The following DHTKD1 variants were observed in gnomAD, a reference collection of about 807,000 sequenced individuals.
DHTKD1 encodes the protein 2-oxoadipate dehydrogenase complex component E1.
In DHTKD1, 78 loss-of-function variants were observed where a neutral mutation model predicts 101.8. The observed-to-expected ratio is 0.77, with a 90% CI of 0.64 to 0.93. DHTKD1 has a LOEUF of 0.93. Ranked by LOEUF, DHTKD1 falls within the 40% of genes least tolerant of loss-of-function variation. The probability of loss-of-function intolerance (pLI) is 0.00; values close to 1 mark genes in which losing one functional copy is unlikely to be tolerated. For missense variants in DHTKD1, 1,223 were observed against 1,161.7 expected (o/e 1.05, Z -0.77); for synonymous variants, 462 against 450.3 (o/e 1.03, Z -0.33).
At chr10:12,077,582 A>G (rs925701728) in intron 1 of DHTKD1, among the ~76,000 whole-genome samples, 4 of 152,142 alleles carry the variant, frequency 2.6e-5, no homozygotes, top group African/African-American at 9.7e-5. Flanking sequence ...CTTCTACAAT[A>G]TTATTTTTTA....
intron 1 of DHTKD1, among the ~76,000 whole-genome samples, chr10:12,073,924 G>A (rs1832686483): frequency 6.6e-6 from 1 of 152,198 alleles, no homozygotes; most frequent in South Asian, 2.1e-4. Context: ...CCATGTGTTA[G>A]TCTTCTGAGC....
At chr10:12,075,527 A>T (rs1292564499) in intron 1 of DHTKD1, among the ~76,000 whole-genome samples, 2 of 151,464 alleles carry the variant, frequency 1.3e-5, no homozygotes, top group African/African-American at 4.9e-5. Flanking sequence ...GGCATGAGCC[A>T]CTGCGCCCAT....
chr10:12,113,441 G>A (rs546843113), intron 13 of DHTKD1, among the ~76,000 whole-genome samples: 8 of 152,192 alleles, frequency 5.3e-5, no homozygotes, highest in East Asian at 1.9e-4. Flanking sequence ...CAGGTGATTC[G>A]CCCGCCTCGG....
At chr10:12,119,615 CAA>C (rs71382684) in intron 15 of DHTKD1, among the ~76,000 whole-genome samples, 41,441 of 88,358 alleles carry the variant, frequency 0.47, 6,405 homozygotes, top group Non-Finnish European at 0.52. Flanking sequence ...GACTCCGTCT[CAA>C]AAAAAAAAAA....
intron 1 of DHTKD1, among the ~76,000 whole-genome samples, chr10:12,070,697 C>G (rs1403331750): frequency 6.6e-6 from 1 of 152,142 alleles, no homozygotes; most frequent in African/African-American, 2.4e-5. Flanking sequence ...CCATGTTGGC[C>G]AGGCTGGTCT....
In DHTKD1 at chr10:12,071,647, G is replaced by A. The variant is rs181798504; in HGVS notation, c.154+2460G>A. On this transcript the variant is annotated intron_variant, in intron 1 of 16. Transcript: ENST00000263035. Reference sequence around the variant, plus strand: ...TAGCTGGGTGTGGTGCAGACGTGGGGCCAGGCACAGTGACTCACGCCTGTA... The same window carrying A: ...TAGCTGGGTGTGGTGCAGACGTGGGACCAGGCACAGTGACTCACGCCTGTA... 1.2e-4 allele frequency among the ~76,000 whole-genome samples: 19 copies of A among 152,070 alleles called. No individual in the cohort carries two copies. The East Asian group carries it at 3.1e-3, about 25-fold the overall frequency.
intron 12 of DHTKD1, among the ~76,000 whole-genome samples, chr10:12,111,105 T>C (rs1449971785): frequency 6.6e-6 from 1 of 151,780 alleles, no homozygotes; most frequent in Non-Finnish European, 1.5e-5. Context: ...AGTATTGCTG[T>C]AAATAGAACA....
chr10:12,082,104 G>A (rs968990776), intron 2 of DHTKD1, among the ~76,000 whole-genome samples: 1 of 152,112 alleles, frequency 6.6e-6, no homozygotes, highest in Non-Finnish European at 1.5e-5. Flanking sequence ...TCCAGCCTGG[G>A]CAACAGAGTG....
At chr10:12,099,596 G>A (rs778631716) in intron 8 of DHTKD1, among the ~76,000 whole-genome samples, 2 of 152,032 alleles carry the variant, frequency 1.3e-5, no homozygotes, top group African/African-American at 2.4e-5. Context: ...GCTGAGGCAG[G>A]AGAATCACTT....
At chr10:12,100,729 G>A (rs990175163) in intron 9 of DHTKD1, among the ~76,000 whole-genome samples, 5 of 152,130 alleles carry the variant, frequency 3.3e-5, no homozygotes, top group Non-Finnish European at 5.9e-5. Context: ...CTTATTTGTA[G>A]TATAAGTCAT....
intron 12 of DHTKD1, among the ~76,000 whole-genome samples, chr10:12,108,655 C>T (rs1833284785): frequency 6.6e-6 from 1 of 152,126 alleles, no homozygotes; most frequent in Admixed American, 6.6e-5. Context: ...ACAAATGTCT[C>T]CTTTTGCATG....
In DHTKD1 at chr10:12,089,055, T is replaced by A. The variant is rs1832947458; in HGVS notation, c.787T>A (p.Ser263Thr). Residue 263 changes from serine to threonine, a missense_variant, in exon 5 of 17, where the codon TCT (serine) becomes ACT (threonine). Physicochemically the swap from Ser to Thr is moderately conservative, Grantham distance 58 (BLOSUM62 1). Coordinates refer to ENST00000263035, the MANE Select transcript of DHTKD1 (RefSeq NM_018706.7). Reference protein sequence around the residue: ...ENFSATGDVLSHLTSSVDLYF... With the variant: ...ENFSATGDVLTHLTSSVDLYF... ...TTTCTCAGCCACTGGAGACGTCCTG[T>A]CTCACCTGACCTCCTCTGTGGACCT... 6.2e-7 allele frequency: 1 copy of A among 1,613,944 alleles called. No individual in the cohort carries two copies. The highest frequency in any genetic ancestry group is 1.1e-5 in the South Asian group (1 of 91,090).
Position 12,114,763 on chromosome 10 carries a change from CTTGGTTGGTTGGTTGG to C in DHTKD1, c.2319+1730_2319+1745del, listed in dbSNP as rs140140326. ...AGCTGCGAGTGATTTGCTTCCACCCCTTGGTTGGTTGGTTGGTTGGTTGGTTGGTTGGTTGGTTGGT... is the reference window on the plus strand; with the variant it reads ...AGCTGCGAGTGATTTGCTTCCACCCCTTGGTTGGTTGGTTGGTTGGTTGGT... On this transcript the variant is annotated intron_variant, in intron 13 of 16. Coordinates refer to ENST00000263035, the MANE Select transcript of DHTKD1 (RefSeq NM_018706.7). 2.3e-3 allele frequency among the ~76,000 whole-genome samples: 342 copies of C among 150,496 alleles called. 1 individual carries two copies. The highest frequency in any genetic ancestry group is 7.6e-3 in the African/African-American group (311 of 40,986).
rs1472521533 is a variant in DHTKD1 at position 12,076,974 on chromosome 10, A to AT, written c.155-4497dup. 1.3e-4 allele frequency among the ~76,000 whole-genome samples: 16 copies of AT among 121,836 alleles called. No individual in the cohort carries two copies. In the East Asian group the frequency reaches 1.4e-3, roughly 11 times the overall value. The allele number at this position is 121,836 out of a possible 152,430, so 79.9% of individuals were successfully genotyped here. A position where few individuals can be genotyped will look rare whatever the true frequency, so the allele number is the denominator to read the frequency against. Reference sequence around the variant, plus strand: ...CCCAGCCAGCCAGACCCTGTTTCTGATAAAAAAAAAAAAAAAAAAAAGGAA... The same window carrying AT: ...CCCAGCCAGCCAGACCCTGTTTCTGATTAAAAAAAAAAAAAAAAAAAAGGAA... On this transcript the variant is annotated intron_variant, in intron 1 of 16. Coordinates refer to ENST00000263035, the MANE Select transcript of DHTKD1 (RefSeq NM_018706.7).
At chr10:12,081,704 A>G (rs560311647) in intron 2 of DHTKD1, 77 bp downstream of exon 2, 1 of 1,559,016 alleles carries the variant, frequency 6.4e-7, no homozygotes. Flanking sequence ...TTGAAGAAGC[A>G]GCATCCCCAC....
At chr10:12,073,863 C>T (rs1832685867) in intron 1 of DHTKD1, among the ~76,000 whole-genome samples, 1 of 152,196 alleles carries the variant, frequency 6.6e-6, no homozygotes, top group African/African-American at 2.4e-5. Flanking sequence ...AAGCATGACT[C>T]TTGATCTCAG....
At chr10:12,104,474 C>T (rs1023748723) in intron 10 of DHTKD1, among the ~76,000 whole-genome samples, 8 of 152,062 alleles carry the variant, frequency 5.3e-5, no homozygotes, top group Admixed American at 2.6e-4. Flanking sequence ...ACACTCTGCC[C>T]GTCCTTCCTT....
At chr10:12,118,262 C>CAT (rs1833451043) in intron 14 of DHTKD1, among the ~76,000 whole-genome samples, 1 of 151,924 alleles carries the variant, frequency 6.6e-6, no homozygotes, top group Non-Finnish European at 1.5e-5. Context: ...TTTGTAGGCG[C>CAT]ATGTTGCTGA....
At chr10:12,076,975 T>TTA (rs755588069) in intron 1 of DHTKD1, among the ~76,000 whole-genome samples, 4 of 61,838 alleles carry the variant, frequency 6.5e-5, no homozygotes, top group Non-Finnish European at 1.5e-4. Flanking sequence ...CTGTTTCTGA[T>TTA]AAAAAAAAAA....
Sources: gnomAD v4.1 joint callset for allele counts (sites outside exome capture counted in the v4.1 genomes callset) on GRCh38, gnomAD v4.1.1 for gene constraint, MANE v1.5 for transcripts, NCBI Gene and HGNC (gene_info 2026-07-23, HGNC 2026-07-21) for gene names.